Variants in EPB41 observed in about 807,000 individuals in gnomAD.
EPB41 encodes protein 4.1.
EPB41 carries 65 observed loss-of-function variants against 108.0 expected under a neutral mutation model. That is an observed-to-expected ratio of 0.60 (90% CI 0.49 to 0.74). The LOEUF is 0.74. EPB41 is among the 30% of genes least tolerant of loss of function. EPB41 has a pLI of 0.00. For synonymous variants in EPB41, 336 were observed against 358.9 expected, an observed-to-expected ratio of 0.94 and a Z score of 0.72; for missense variants, 875 against 1,037.0, an observed-to-expected ratio of 0.84 and a Z score of 2.15.
chr1:28,925,132 A>C (rs2148383533), intron 1 of EPB41, among the ~76,000 whole-genome samples: 1 of 152,118 alleles, frequency 6.6e-6, no homozygotes, highest in South Asian at 2.1e-4. Context: ...TGCCCGGCTA[A>C]TTTTTTATTT....
At chr1:28,919,221 A>G (rs1244229798) in intron 1 of EPB41, among the ~76,000 whole-genome samples, 2 of 152,208 alleles carry the variant, frequency 1.3e-5, no homozygotes, top group Non-Finnish European at 1.5e-5. Context: ...TTTTATTTAA[A>G]TTGAATTGTA....
At chr1:28,927,476 C>T (rs992856216) in intron 1 of EPB41, among the ~76,000 whole-genome samples, 82 of 152,052 alleles carry the variant, frequency 5.4e-4, no homozygotes, top group African/African-American at 1.9e-3. Context: ...AACATAAGAC[C>T]GCATTTTTCT....
intron 1 of EPB41, among the ~76,000 whole-genome samples, chr1:28,965,781 A>G (rs1228668734): frequency 6.6e-6 from 1 of 152,222 alleles, no homozygotes; most frequent in East Asian, 1.9e-4. Flanking sequence ...TAGAGACTAC[A>G]CTAGAAAGGA....
chr1:29,070,664 T>C (rs983216338), intron 16 of EPB41: 1 of 1,231,688 alleles, frequency 8.1e-7, no homozygotes, highest in Non-Finnish European at 1.0e-6. Context: ...TGAACTTCTG[T>C]CCTTGGCTTC....
In EPB41 at chr1:29,074,813, A is replaced by G. The variant is rs145616502; in HGVS notation, c.2184+9655A>G. On this transcript the variant is annotated intron_variant, in intron 16 of 20. Coordinates refer to ENST00000343067, the MANE Select transcript of EPB41 (RefSeq NM_001376013.1). Reference sequence around the variant, plus strand: ...AGCCAAATAACTTGAATAATAGCCTAACTAAATGTATAGATAACATTGTGG... The same window carrying G: ...AGCCAAATAACTTGAATAATAGCCTGACTAAATGTATAGATAACATTGTGG... 1.3e-4 allele frequency among the ~76,000 whole-genome samples: 20 copies of G among 152,380 alleles called. No individual in the cohort carries two copies. The East Asian group carries it at 3.9e-3, about 29-fold the overall frequency.
At chr1:29,107,669 G>T (rs184247408) in intron 17 of EPB41, among the ~76,000 whole-genome samples, 178 of 151,850 alleles carry the variant, frequency 1.2e-3, no homozygotes, top group Non-Finnish European at 1.6e-3. Flanking sequence ...TGGCCAATAT[G>T]GTGAAACTCC....
intron 1 of EPB41, chr1:28,982,599 G>A (rs2095783580): frequency 6.7e-7 from 1 of 1,500,864 alleles, no homozygotes; most frequent in Admixed American, 1.7e-5. Context: ...CAGGTTTCAT[G>A]AACTTGCCCA....
intron 11 of EPB41, among the ~76,000 whole-genome samples, chr1:29,050,645 GA>G: frequency 6.6e-6 from 1 of 152,254 alleles, no homozygotes; most frequent in East Asian, 1.9e-4. Context: ...ATCTGTGCAA[GA>G]GGCCGCAGAT....
intron 4 of EPB41, among the ~76,000 whole-genome samples, chr1:28,999,570 A>C (rs547969676): frequency 6.6e-6 from 1 of 152,148 alleles, no homozygotes; most frequent in Non-Finnish European, 1.5e-5. Flanking sequence ...CGTGTTTAAT[A>C]TGGCTGGAAA....
intron 19 of EPB41, among the ~76,000 whole-genome samples, chr1:29,113,615 G>A (rs1039690683): frequency 2.0e-5 from 3 of 152,242 alleles, no homozygotes; most frequent in Non-Finnish European, 2.9e-5. Flanking sequence ...GAGGTTTGGA[G>A]TGAGACAGAC....
intron 10 of EPB41, among the ~76,000 whole-genome samples, chr1:29,036,428 T>G (rs925011000): frequency 6.6e-6 from 1 of 151,562 alleles, no homozygotes; most frequent in South Asian, 2.1e-4. Context: ...CCCAGCTAAT[T>G]TTTTGTATTT....
At chr1:28,975,937 T>A in intron 1 of EPB41, among the ~76,000 whole-genome samples, 1 of 89,144 alleles carries the variant, frequency 1.1e-5, no homozygotes, top group South Asian at 5.0e-4. Flanking sequence ...TGAGACTCCA[T>A]CTCAAAAAAA....
chr1:29,080,380 G>A (rs1045045828), intron 16 of EPB41, among the ~76,000 whole-genome samples: 4 of 151,204 alleles, frequency 2.6e-5, no homozygotes, highest in Admixed American at 1.3e-4. Flanking sequence ...GGAATTACAG[G>A]CGTGAGTCAC....
intron 3 of EPB41, among the ~76,000 whole-genome samples, chr1:28,993,948 C>T (rs1194935979): frequency 2.0e-5 from 3 of 151,872 alleles, no homozygotes; most frequent in African/African-American, 4.8e-5. Context: ...TGAGCCACTG[C>T]GCCCGGCCTT....
intron 3 of EPB41, among the ~76,000 whole-genome samples, chr1:28,994,755 C>T (rs551643108): frequency 4.3e-4 from 64 of 149,776 alleles, no homozygotes; most frequent in African/African-American, 1.5e-3. Flanking sequence ...ACCTCCTGGG[C>T]TCAGGTGATC....
At chr1:28,946,599 A>C (rs535971200) in intron 1 of EPB41, among the ~76,000 whole-genome samples, 4 of 152,340 alleles carry the variant, frequency 2.6e-5, no homozygotes, top group Admixed American at 1.3e-4. Context: ...GGATTTCTGT[A>C]ACACGTAAAT....
In EPB41 at chr1:29,018,386, C is replaced by G. The variant is rs1309808310; in HGVS notation, c.1068C>G (p.Ala356=). Residue 356 remains alanine, a synonymous_variant, in exon 7 of 21, where the codon GCC becomes GCG. Coordinates refer to ENST00000343067, the MANE Select transcript of EPB41 (RefSeq NM_001376013.1). This position sits in a 1 kb window ranked among gnomAD's most constrained non-coding sequence, Gnocchi z 4.4. ...ATTATGTTAGTGATTTTAAACTGGC[C>G]CCGAATCAGACCAAGGAACTTGAAG... ...GVDYVSDFKL[A]PNQTKELEEK... is the part of the protein sequence containing the mutation. The G allele has an allele frequency of 4.3e-6, 7 of 1,614,034 alleles. No individual in the cohort carries two copies. The highest frequency in any genetic ancestry group is 5.9e-6 in the Non-Finnish European group (7 of 1,180,020).
intron 1 of EPB41, among the ~76,000 whole-genome samples, chr1:28,916,705 A>G (rs376535431): frequency 6.6e-6 from 1 of 152,220 alleles, no homozygotes; most frequent in Non-Finnish European, 1.5e-5. Context: ...TCTTCTACCA[A>G]CAAAACTATA....
At chr1:28,952,252 G>A (rs899993013) in intron 1 of EPB41, among the ~76,000 whole-genome samples, 1 of 151,880 alleles carries the variant, frequency 6.6e-6, no homozygotes, top group African/African-American at 2.4e-5. Flanking sequence ...GTGCGGCCGG[G>A]CACGGTGGCT....
Sources: gnomAD v4.1 joint callset for allele counts (sites outside exome capture counted in the v4.1 genomes callset) on GRCh38, gnomAD v4.1.1 for gene constraint, Gnocchi (gnomAD v3.1) non-coding constraint, MANE v1.5 for transcripts, NCBI Gene and HGNC (gene_info 2026-07-23, HGNC 2026-07-21) for gene names.